The following GRIK3 variants were observed in gnomAD, a reference collection of about 807,000 sequenced individuals.
GRIK3 encodes glutamate receptor ionotropic, kainate 3.
GRIK3 carries 29 observed loss-of-function variants against 102.5 expected under a neutral mutation model. The ratio of observed to expected loss-of-function variants is 0.28; its 90% CI spans 0.21 to 0.39. GRIK3 has a LOEUF of 0.39. GRIK3 is among the 10% of genes least tolerant of loss of function. GRIK3 has a pLI of 1.00. For missense variants in GRIK3, 908 were observed against 1,252.4 expected, an observed-to-expected ratio of 0.73 and a Z score of 4.15; for synonymous variants, 511 against 504.9, an observed-to-expected ratio of 1.01 and a Z score of -0.16.
chr1:36,867,757 T>C (rs1464745538), intron 5 of GRIK3, among the ~76,000 whole-genome samples: 1 of 152,130 alleles, frequency 6.6e-6, no homozygotes, highest in Non-Finnish European at 1.5e-5. Context: ...CCACCCTGAG[T>C]ACTGCCCTCG....
chr1:36,850,282 T>C lies in GRIK3; in HGVS notation c.1326+29A>G. 1 of 1,432,484 alleles carries C rather than the reference T, an allele frequency of 7.0e-7. No individual in the cohort carries two copies. The highest frequency in any genetic ancestry group is 9.9e-7 in the Non-Finnish European group (1 of 1,014,076). The allele number at this position is 1,432,484 out of a possible 1,614,324, so 88.7% of individuals were successfully genotyped here. A position where few individuals can be genotyped will look rare whatever the true frequency, so the allele number is the denominator to read the frequency against. On this transcript the variant is annotated intron_variant, in intron 9 of 15. Transcript: ENST00000373091. This position sits in a 1 kb window ranked among gnomAD's most constrained non-coding sequence, Gnocchi z 4.0. ...GCCACCCCACCCCCAGGTCGGACAGTCCTTCCTGCAGGGGCTGCAGGCTCT... is the reference window on the plus strand; with the variant it reads ...GCCACCCCACCCCCAGGTCGGACAGCCCTTCCTGCAGGGGCTGCAGGCTCT...
At chr1:36,950,305 T>C (rs999647687) in intron 1 of GRIK3, among the ~76,000 whole-genome samples, 3 of 152,218 alleles carry the variant, frequency 2.0e-5, no homozygotes, top group South Asian at 2.1e-4. Flanking sequence ...TGCATGTCCA[T>C]TGAATAACAT....
At chr1:36,921,190 G>A (rs1368029305) in intron 1 of GRIK3, among the ~76,000 whole-genome samples, 3 of 152,264 alleles carry the variant, frequency 2.0e-5, no homozygotes, top group Non-Finnish European at 4.4e-5. Context: ...AGCATGGCTT[G>A]GAGTTAGATG....
rs575274172 is a variant in GRIK3, at chr1:36,864,595, C to T, written c.787-4578G>A. ...GTGGGAGCTTGGGTGCTGGTGGAACCAGCCCTTCTGGTCTCCAGAGGCAGC... is the reference window on the plus strand; with the variant it reads ...GTGGGAGCTTGGGTGCTGGTGGAACTAGCCCTTCTGGTCTCCAGAGGCAGC... On this transcript the variant is annotated intron_variant, in intron 5 of 15. Transcript: ENST00000373091. Among the ~76,000 whole-genome samples, 12 of 152,252 alleles carry T rather than the reference C, an allele frequency of 7.9e-5. No individual in the cohort carries two copies. The South Asian group carries it at 2.5e-3, about 32-fold the overall frequency.
Position 36,819,981 on chromosome 1 carries a change from A to T in GRIK3, c.1755-127T>A. On this transcript the variant is annotated intron_variant, in intron 11 of 15. Transcript: ENST00000373091. This position sits in a 1 kb window ranked among gnomAD's most constrained non-coding sequence, Gnocchi z 4.1. The stretch of plus-strand genomic sequence containing the variant: ...TCAATATCCTCATGGTTCTGCTGGG[A>T]GGCAGGGCAGGGGAATTTCTTCTTG... 2 of 616,916 alleles carry T rather than the reference A, an allele frequency of 3.2e-6. No homozygotes were observed. The highest frequency in any genetic ancestry group is 6.0e-6 in the Non-Finnish European group (2 of 335,090). 38.2% of individuals were successfully genotyped at this position (616,916 alleles called of 1,614,324 possible).
intron 1 of GRIK3, among the ~76,000 whole-genome samples, chr1:36,943,332 C>T (rs2124327150): frequency 6.6e-6 from 1 of 152,300 alleles, no homozygotes; most frequent in East Asian, 1.9e-4. Flanking sequence ...TCAAGCAAGG[C>T]AGAGAAACTG....
intron 1 of GRIK3, among the ~76,000 whole-genome samples, chr1:36,950,867 G>A (rs1164997624): frequency 6.6e-6 from 1 of 152,240 alleles, no homozygotes; most frequent in Non-Finnish European, 1.5e-5. Flanking sequence ...ACTCCCCTGG[G>A]ATGATAGAAG....
Position 36,806,338 on chromosome 1 carries a change from G to T in GRIK3, c.2092-12C>A. ...GAGATCTTGGATTTCTGGGCCGTGA[G>T]GGAAGGGGTGATGCACACACCGTTA... On this transcript the variant is annotated splice_polypyrimidine_tract_variant and intron_variant, in intron 13 of 15. Coordinates refer to ENST00000373091, the MANE Select transcript of GRIK3 (RefSeq NM_000831.4). The surrounding 1 kb of genome is among the most constrained non-coding windows in gnomAD (Gnocchi z 4.0). The T allele has an allele frequency of 6.3e-7, 1 of 1,580,274 alleles. No homozygotes were observed. The highest frequency in any genetic ancestry group is 8.7e-7 in the Non-Finnish European group (1 of 1,151,312).
At chr1:36,898,657 A>G (rs1641200227) in intron 1 of GRIK3, among the ~76,000 whole-genome samples, 1 of 152,196 alleles carries the variant, frequency 6.6e-6, no homozygotes. Context: ...TTCAATGTCA[A>G]TGAAAATCCC....
At chr1:36,987,378 G>A (rs760818730) in intron 1 of GRIK3, among the ~76,000 whole-genome samples, 29 of 152,176 alleles carry the variant, frequency 1.9e-4, no homozygotes, top group Non-Finnish European at 3.4e-4. Flanking sequence ...CGCTTTATTT[G>A]GGACTTGCTC....
At chr1:36,847,023 C>A (rs1232963423) in intron 9 of GRIK3, among the ~76,000 whole-genome samples, 1 of 152,248 alleles carries the variant, frequency 6.6e-6, no homozygotes, top group Non-Finnish European at 1.5e-5. Context: ...TAGGGGGAAG[C>A]ACACCTCACC....
chr1:36,965,596 C>A (rs544609752), intron 1 of GRIK3, among the ~76,000 whole-genome samples: 32 of 152,206 alleles, frequency 2.1e-4, no homozygotes, highest in African/African-American at 7.2e-4. Context: ...TTAAGCCAAC[C>A]TAAAAGAAGA....
Position 36,872,355 on chromosome 1 carries a change from G to A in GRIK3, c.565C>T (p.Gln189Ter). The change falls in exon 4 of 16, where the codon CAG becomes TAG. Residue 189 changes from glutamine (Q) to a stop codon, truncating the protein, a stop_gained. Transcript: ENST00000373091. LOFTEE classifies it high-confidence loss of function. The surrounding 1 kb of genome is among the most constrained non-coding windows in gnomAD (Gnocchi z 5.9). The stretch of plus-strand genomic sequence containing the variant: ...CTTGATGGGGCCATGATGAGCTCCT[G>A]CAGTCGGATGAGCCCTGAGGGGCCA... Reference protein sequence around the residue: ...YDDSTGLIRLQELIMAPSRYN... With the variant: ...YDDSTGLIRL 6.2e-7 allele frequency: 1 copy of A among 1,601,538 alleles called. No individual in the cohort carries two copies. The highest frequency in any genetic ancestry group is 8.5e-7 in the Non-Finnish European group (1 of 1,172,398).
In GRIK3 at chr1:37,034,150, G is replaced by C; in HGVS notation, c.-42C>G. 9.9e-7 allele frequency: 1 copy of C among 1,010,664 alleles called. No individual in the cohort carries two copies. The highest frequency in any genetic ancestry group is 1.4e-6 in the Non-Finnish European group (1 of 715,198). 62.6% of individuals were successfully genotyped at this position (1,010,664 alleles called of 1,614,324 possible). On this transcript the variant is annotated 5_prime_UTR_variant, in exon 1 of 16. Coordinates refer to ENST00000373091, the MANE Select transcript of GRIK3 (RefSeq NM_000831.4). ...GCGTGCCCGGGGCGCGGCCGTGGCG[G>C]GCTCCCTGGGGCGGCAGCTCTAGGC...
At chr1:36,832,874 C>T (rs551971979) in intron 10 of GRIK3, among the ~76,000 whole-genome samples, 6 of 152,348 alleles carry the variant, frequency 3.9e-5, no homozygotes, top group Admixed American at 2.0e-4. Context: ...CCTGACCTAG[C>T]ACAGCCCAAC....
At chr1:36,992,156 C>A (rs978730897) in intron 1 of GRIK3, among the ~76,000 whole-genome samples, 1 of 152,202 alleles carries the variant, frequency 6.6e-6, no homozygotes, top group African/African-American at 2.4e-5. Context: ...GAGATGAACA[C>A]GATGCCATCT....
chr1:36,847,083 AC>A lies in GRIK3; in HGVS notation c.1326+3227del, dbSNP rs1640528259. 2.6e-5 allele frequency among the ~76,000 whole-genome samples: 4 copies of A among 152,062 alleles called. No individual in the cohort carries two copies. In the South Asian group the frequency reaches 8.3e-4, roughly 32 times the overall value. On this transcript the variant is annotated intron_variant, in intron 9 of 15. Transcript: ENST00000373091. ...GATGGAGACAGCTGAATCATCAGTCACCCCCAGGCCATGTGAGTATTTGATA... is the reference window on the plus strand; with the variant it reads ...GATGGAGACAGCTGAATCATCAGTCACCCCAGGCCATGTGAGTATTTGATA...
intron 7 of GRIK3, 138 bp from the exon 8 acceptor site, chr1:36,853,860 C>T (rs1640616504): frequency 4.7e-6 from 3 of 639,578 alleles, no homozygotes; most frequent in South Asian, 3.7e-5. Context: ...ATAATCACCT[C>T]CATCATTGCT....
intron 1 of GRIK3, among the ~76,000 whole-genome samples, chr1:36,949,157 A>T (rs909407334): frequency 3.9e-5 from 6 of 152,250 alleles, no homozygotes; most frequent in Non-Finnish European, 7.3e-5. Flanking sequence ...TCCACAAGAA[A>T]GCAAGAGACA....
Sources: allele counts gnomAD v4.1 joint callset (sites outside exome capture counted in the v4.1 genomes callset), GRCh38; gene constraint gnomAD v4.1.1; non-coding constraint Gnocchi (gnomAD v3.1); transcripts MANE v1.5; gene names NCBI Gene and HGNC (gene_info 2026-07-23, HGNC 2026-07-21).